The following PDE1C variants were observed in gnomAD, a reference collection of about 807,000 sequenced individuals.
PDE1C encodes the protein dual specificity calcium/calmodulin-dependent 3',5'-cyclic nucleotide phosphodiesterase 1C.
Under a neutral mutation model 93.1 loss-of-function variants are expected in PDE1C, and 62 were observed. The ratio of observed to expected loss-of-function variants is 0.67; its 90% CI spans 0.54 to 0.82. The LOEUF (loss-of-function observed/expected upper bound fraction) is 0.82. PDE1C is among the 40% of genes least tolerant of loss of function. The pLI, the probability that PDE1C is intolerant of heterozygous loss-of-function variation, is 0.00. For missense variants in PDE1C, 742 were observed against 884.6 expected (o/e 0.84, Z 2.04); for synonymous variants, 325 against 310.1 (o/e 1.05, Z -0.50).
chr7:32,014,268 G>A (rs1203772486), intron 2 of PDE1C, among the ~76,000 whole-genome samples: 1 of 149,952 alleles, frequency 6.7e-6, no homozygotes, highest in Non-Finnish European at 1.5e-5. Context: ...TCAGTAAGAA[G>A]ATAGTCTGAA....
At chr7:32,084,065 TAA>T (rs1231864580) in intron 3 of PDE1C, among the ~76,000 whole-genome samples, 1 of 151,968 alleles carries the variant, frequency 6.6e-6, no homozygotes, top group African/African-American at 2.4e-5. Context: ...GCAAATTGGA[TAA>T]AGAGTCATGA....
At chr7:32,229,545 A>G (rs1331091751) in intron 1 of PDE1C, among the ~76,000 whole-genome samples, 1 of 152,140 alleles carries the variant, frequency 6.6e-6, no homozygotes, top group Non-Finnish European at 1.5e-5. Context: ...CTAGACCTTT[A>G]TACGTCTCTT....
At chr7:32,248,236 T>C (rs991614928) in intron 1 of PDE1C, among the ~76,000 whole-genome samples, 1 of 152,026 alleles carries the variant, frequency 6.6e-6, no homozygotes, top group Non-Finnish European at 1.5e-5. Flanking sequence ...ATAGAAACAA[T>C]GGGGGACTCC....
chr7:32,416,452 C>T (rs1223259226), intron 1 of PDE1C, among the ~76,000 whole-genome samples: 1 of 152,218 alleles, frequency 6.6e-6, no homozygotes, highest in East Asian at 1.9e-4. Context: ...TACTGAGAAA[C>T]AGACCAATGC....
At position 32,341,173 on chromosome 7, in the gene PDE1C, C is replaced by CTTTT. The variant is rs3079623; in HGVS notation, c.310+86645_310+86648dup. On this transcript the variant is annotated intron_variant, in intron 1 of 1. Coordinates refer to the PDE1C transcript ENST00000672256. ...CCTAAAACTACTCTAGAAATAAAGT[C>CTTTT]TTTTTTTTTTTTTTTTTTTTGAGAC... Among the ~76,000 whole-genome samples, 233 of 84,942 alleles carry CTTTT rather than the reference C, an allele frequency of 2.7e-3. 31 individuals carry two copies. The highest frequency in any genetic ancestry group is 0.018 in the South Asian group (30 of 1,668). 55.7% of individuals were successfully genotyped at this position (84,942 alleles called of 152,430 possible).
At chr7:31,859,179 A>G (rs958505644) in intron 7 of PDE1C, among the ~76,000 whole-genome samples, 1 of 149,446 alleles carries the variant, frequency 6.7e-6, no homozygotes, top group African/African-American at 2.4e-5. Flanking sequence ...ATGTACATTT[A>G]TGATTTATTG....
At chr7:31,935,372 G>A (rs530375131) in intron 2 of PDE1C, among the ~76,000 whole-genome samples, 1 of 152,096 alleles carries the variant, frequency 6.6e-6, no homozygotes, top group African/African-American at 2.4e-5. Context: ...CCCCAGGCCT[G>A]CACTTCCCTT....
chr7:31,701,835 G>A, the PDE1C span, among the ~76,000 whole-genome samples: 120 of 152,334 alleles, frequency 7.9e-4, no homozygotes, highest in Admixed American at 2.7e-3. Flanking sequence ...ATTAAGCTAT[G>A]CTCATTATTT....
chr7:32,264,954 C>A (rs1254956946), intron 1 of PDE1C, among the ~76,000 whole-genome samples: 1 of 152,186 alleles, frequency 6.6e-6, no homozygotes, highest in Non-Finnish European at 1.5e-5. Flanking sequence ...GTCTTTTAAG[C>A]CAAATTACAT....
intron 6 of PDE1C, among the ~76,000 whole-genome samples, chr7:31,872,264 T>A (rs1796036741): frequency 6.6e-6 from 1 of 152,036 alleles, no homozygotes; most frequent in Non-Finnish European, 1.5e-5. Flanking sequence ...AGGGATTGGT[T>A]AATGGGTACG....
chr7:31,695,624 A>G, the PDE1C span: 3 of 1,611,298 alleles, frequency 1.9e-6, no homozygotes, highest in East Asian at 2.2e-5. Flanking sequence ...CATACCAGGT[A>G]ATGGACAAAG....
Position 32,048,019 on chromosome 7 carries a change from T to A in PDE1C, c.128+3535A>T, listed in dbSNP as rs113268134. ...AGAAAGGAATCACAGCTATTCCCAGTCCAAATAAACCATCAAGTAGGCAAG... is the reference window on the plus strand; with the variant it reads ...AGAAAGGAATCACAGCTATTCCCAGACCAAATAAACCATCAAGTAGGCAAG... On this transcript the variant is annotated intron_variant, in intron 2 of 17. Transcript: ENST00000396191. 6.3e-3 allele frequency among the ~76,000 whole-genome samples: 961 copies of A among 152,256 alleles called. 10 individuals carry two copies. Among genetic ancestry groups the A allele is most frequent in the African/African-American group, 0.022 (915 of 41,556 alleles).
At chr7:32,047,032 G>GGTGTGC (rs1792675448) in intron 2 of PDE1C, among the ~76,000 whole-genome samples, 1 of 148,710 alleles carries the variant, frequency 6.7e-6, no homozygotes, top group African/African-American at 2.5e-5. Flanking sequence ...CTGAAATAGG[G>GGTGTGC]GTGTGTGTGT....
chr7:32,365,712 A>C (rs1259954216), intron 1 of PDE1C, among the ~76,000 whole-genome samples: 1 of 152,168 alleles, frequency 6.6e-6, no homozygotes, highest in Non-Finnish European at 1.5e-5. Context: ...AAGATGGTCA[A>C]CCCACCATGT....
intron 2 of PDE1C, among the ~76,000 whole-genome samples, chr7:32,178,969 C>G (rs372303966): frequency 6.6e-6 from 1 of 152,152 alleles, no homozygotes. Context: ...AATCATCAGC[C>G]CTTCAAAGTA....
intron 2 of PDE1C, among the ~76,000 whole-genome samples, chr7:31,945,806 A>T (rs1195885204): frequency 6.6e-6 from 1 of 152,082 alleles, no homozygotes; most frequent in Non-Finnish European, 1.5e-5. Context: ...AATATTGCTT[A>T]TGTTACATCT....
intron 8 of PDE1C, among the ~76,000 whole-genome samples, chr7:31,849,595 A>G (rs1209890878): frequency 6.6e-6 from 1 of 152,212 alleles, no homozygotes; most frequent in Non-Finnish European, 1.5e-5. Flanking sequence ...AGTTCATTAA[A>G]TACATGTAGA....
intron 17 of PDE1C, among the ~76,000 whole-genome samples, chr7:31,761,102 G>GGGTGAGGAAACCGAGGCTTAGAGA (rs756849102): frequency 4.6e-5 from 7 of 151,450 alleles, no homozygotes; most frequent in Non-Finnish European, 7.4e-5. Flanking sequence ...CATGTATTTT[G>GGGTGAGGAAACCGAGGCTTAGAGA]GCTAAAGTAA....
intron 2 of PDE1C, among the ~76,000 whole-genome samples, chr7:32,181,259 G>A (rs1198251048): frequency 2.0e-5 from 3 of 152,030 alleles, no homozygotes; most frequent in African/African-American, 7.2e-5. Flanking sequence ...AGTTAACAAG[G>A]ATATCCAGGA....
Sources: gnomAD v4.1 joint callset for allele counts (sites outside exome capture counted in the v4.1 genomes callset) on GRCh38, gnomAD v4.1.1 for gene constraint, MANE v1.5 for transcripts, NCBI Gene and HGNC (gene_info 2026-07-23, HGNC 2026-07-21) for gene names.